LCN12: variants seen among roughly 807,000 people sequenced by gnomAD.
The protein encoded by LCN12 is epididymal-specific lipocalin-12.
In LCN12, 15 loss-of-function variants were observed where a neutral mutation model predicts 23.7. That is an observed-to-expected ratio of 0.63 (90% CI 0.42 to 0.97). LCN12 has a LOEUF of 0.97. Ranked by LOEUF, LCN12 falls within the 50% of genes least tolerant of loss-of-function variation. The probability of loss-of-function intolerance (pLI) is 0.00; values close to 1 mark genes in which losing one functional copy is unlikely to be tolerated. For synonymous variants in LCN12, 116 were observed against 111.5 expected, an observed-to-expected ratio of 1.04 and a Z score of -0.25; for missense variants, 219 against 249.6, an observed-to-expected ratio of 0.88 and a Z score of 0.83.
intron 4 of LCN12, 50 bp downstream of exon 4, chr9:136,954,014 C>T (rs1442819475): frequency 6.3e-7 from 1 of 1,588,810 alleles, no homozygotes. Flanking sequence ...GGAGGCACCT[C>T]CTTCCAGGCT....
intron 4 of LCN12, 27 bp downstream of exon 4, chr9:136,953,991 C>T (rs772624892): frequency 1.4e-5 from 22 of 1,600,794 alleles, no homozygotes; most frequent in South Asian, 2.2e-5. Context: ...GTCCTGGGCC[C>T]GTGTGTGGCC....
intron 5 of LCN12, chr9:136,954,559 C>T (rs1851272631): frequency 2.2e-6 from 1 of 459,670 alleles, no homozygotes; most frequent in East Asian, 5.9e-5. Flanking sequence ...GCCCCAGGTC[C>T]CCTGTCCCGG....
At chr9:136,954,586 C>T in intron 5 of LCN12, 1 of 546,948 alleles carries the variant, frequency 1.8e-6, no homozygotes, top group African/African-American at 1.9e-5. Context: ...TCCTCCCACC[C>T]CGGGTCTCCT....
At chr9:136,955,769 G>A (rs377168488), downstream of LCN12, among the ~76,000 whole-genome samples, 1 of 152,340 alleles carries the variant, frequency 6.6e-6, no homozygotes, top group East Asian at 1.9e-4. Context: ...GTGGGAGTTC[G>A]CAGGCTCTTC....
intron 5 of LCN12, chr9:136,954,855 G>A (rs2131380532): frequency 8.0e-7 from 1 of 1,254,620 alleles, no homozygotes; most frequent in Non-Finnish European, 1.0e-6. Context: ...TCTTCCTGGA[G>A]GGATGCCCAC....
At chr9:136,954,066 G>A in intron 4 of LCN12, 88 bp from the exon 5 acceptor site, 2 of 1,532,624 alleles carry the variant, frequency 1.3e-6, no homozygotes, top group Non-Finnish European at 1.8e-6. Flanking sequence ...GGAGTGACTT[G>A]GGGGTACAGA....
downstream of LCN12, among the ~76,000 whole-genome samples, chr9:136,956,209 C>T (rs1050057991): frequency 6.6e-6 from 1 of 152,166 alleles, no homozygotes; most frequent in Admixed American, 6.5e-5. Flanking sequence ...GAGAGCAGGA[C>T]ACCACCCAGG....
chr9:136,951,241 GC>G (rs1851145066), upstream of LCN12: 1 of 152,322 alleles, frequency 6.6e-6, no homozygotes, highest in African/African-American at 2.4e-5. Flanking sequence ...CTCCCTGCCA[GC>G]CCTCTGTTTA....
chr9:136,954,980 ACT>A, intron 5 of LCN12: 1 of 1,316,170 alleles, frequency 7.6e-7, no homozygotes, highest in East Asian at 3.5e-5. Flanking sequence ...GCGAACACCC[ACT>A]TACACACACG....
chr9:136,953,095 TG>T, intron 2 of LCN12, 67 bp downstream of exon 2: 2 of 1,594,972 alleles, frequency 1.3e-6, no homozygotes, highest in Non-Finnish European at 1.7e-6. Flanking sequence ...CAGCCGCCAG[TG>T]GCTCAGGTGC....
intron 2 of LCN12, 155 bp from the exon 3 acceptor site, chr9:136,953,545 G>A: frequency 1.7e-6 from 1 of 598,084 alleles, no homozygotes; most frequent in Non-Finnish European, 3.0e-6. Flanking sequence ...AGACCAGCCT[G>A]AGCAACATAG....
At chr9:136,951,383 A>T (rs909819291), upstream of LCN12, 1 of 152,318 alleles carries the variant, frequency 6.6e-6, no homozygotes, top group African/African-American at 2.4e-5. Context: ...CCTCTCAAGT[A>T]GCTGGGACCA....
chr9:136,952,465 G>GA (rs1851181338), intron 1 of LCN12, 24 bp downstream of exon 1: 1 of 1,529,006 alleles, frequency 6.5e-7, no homozygotes, highest in Non-Finnish European at 9.0e-7. Context: ...GACGGAAGGA[G>GA]AAGCAGCCGG....
chr9:136,950,349 A>G (rs1277269479), upstream of LCN12, among the ~76,000 whole-genome samples: 2 of 151,938 alleles, frequency 1.3e-5, no homozygotes, highest in Non-Finnish European at 2.9e-5. Context: ...GGTCTGGGGG[A>G]GGGAGCATGG....
chr9:136,954,318 G>A (rs371776242), intron 5 of LCN12, 63 bp downstream of exon 5: 1 of 1,525,050 alleles, frequency 6.6e-7, no homozygotes, highest in Admixed American at 2.0e-5. Context: ...AATGAGTTTG[G>A]TTGACCCTAG....
At chr9:136,955,681 CTT>C (rs896229319), downstream of LCN12, among the ~76,000 whole-genome samples, 1 of 152,258 alleles carries the variant, frequency 6.6e-6, no homozygotes, top group Non-Finnish European at 1.5e-5. Flanking sequence ...ATGCATGAGT[CTT>C]TGCCCATGGT....
chr9:136,950,091 G>T (rs1243980579), upstream of LCN12, among the ~76,000 whole-genome samples: 1 of 152,024 alleles, frequency 6.6e-6, no homozygotes, highest in Non-Finnish European at 1.5e-5. Flanking sequence ...CAGCGCCGCC[G>T]GCCCAGCCAG....
intron 1 of LCN12, 122 bp downstream of exon 1, chr9:136,952,563 C>T (rs1281742819): frequency 1.5e-4 from 113 of 741,496 alleles, no homozygotes; most frequent in Non-Finnish European, 1.1e-5. Flanking sequence ...TTCCAGGAGC[C>T]CCCAGGCGGG....
upstream of LCN12, among the ~76,000 whole-genome samples, chr9:136,950,445 G>A (rs1851126411): frequency 6.6e-6 from 1 of 152,160 alleles, no homozygotes; most frequent in South Asian, 2.1e-4. Flanking sequence ...GTCTCTGTGG[G>A]TCTCGGGCTG....
Sources: allele counts gnomAD v4.1 joint callset (sites outside exome capture counted in the v4.1 genomes callset), GRCh38; gene constraint gnomAD v4.1.1; transcripts MANE v1.5; gene names NCBI Gene and HGNC (gene_info 2026-07-23, HGNC 2026-07-21).